The following HEATR4 variants were observed in gnomAD, a reference collection of about 807,000 sequenced individuals.
The protein encoded by HEATR4 is HEAT repeat containing 4.
In HEATR4, 95 loss-of-function variants were observed where a neutral mutation model predicts 108.8. That is an observed-to-expected ratio of 0.87 (90% CI 0.74 to 1.04). HEATR4 has a LOEUF of 1.04. Among genes scored for constraint, HEATR4 ranks in the 50% least tolerant of loss-of-function variants. The probability of loss-of-function intolerance (pLI) is 0.00; values close to 1 mark genes in which losing one functional copy is unlikely to be tolerated. For missense variants in HEATR4, 1,152 were observed against 1,253.8 expected, an observed-to-expected ratio of 0.92 and a Z score of 1.23; for synonymous variants, 443 against 459.4, an observed-to-expected ratio of 0.96 and a Z score of 0.46.
chr14:73,570,674 G>A, the HEATR4 span, among the ~76,000 whole-genome samples: 1 of 152,028 alleles, frequency 6.6e-6, no homozygotes, highest in Admixed American at 6.6e-5. Flanking sequence ...GGAGGCCGAG[G>A]CCGGCGGATC....
intron 12 of HEATR4, among the ~76,000 whole-genome samples, chr14:73,500,176 G>A (rs1886354234): frequency 6.6e-6 from 1 of 152,174 alleles, no homozygotes; most frequent in South Asian, 2.1e-4. Flanking sequence ...CTTGCAGTGA[G>A]CCGAGATGGC....
the HEATR4 span, chr14:73,616,881 G>T: frequency 7.3e-5 from 42 of 574,290 alleles, no homozygotes; most frequent in Non-Finnish European, 1.1e-4. Context: ...AAGACATTTT[G>T]TTCTTTCTCT....
chr14:73,522,907 G>A lies in HEATR4; in HGVS notation c.246C>T (p.Gly82=). 8 of 1,614,180 alleles carry A rather than the reference G, an allele frequency of 5.0e-6. No homozygotes were observed. The highest frequency in any genetic ancestry group is 6.8e-6 in the Non-Finnish European group (8 of 1,180,030). Residue 82 remains glycine (G), a synonymous_variant, in exon 3 of 18, where the codon GGC becomes GGT. Coordinates refer to ENST00000553558, the MANE Select transcript of HEATR4 (RefSeq NM_001220484.1). ...TFSQEVVWQR[G]LPSIPYSQYS... The stretch of plus-strand genomic sequence containing the variant: ...ACTGGCTATAAGGAATGCTGGGCAG[G>A]CCTCGCTGCCACACCACCTCCTGAG...
chr14:73,479,109 TTTTG>T (rs1313377482), intron 17 of HEATR4, among the ~76,000 whole-genome samples: 10 of 148,274 alleles, frequency 6.7e-5, no homozygotes, highest in South Asian at 4.2e-4. Flanking sequence ...CAGCTAATTT[TTTTG>T]TTTGTTTGTT....
the HEATR4 span, among the ~76,000 whole-genome samples, chr14:73,588,023 C>T: frequency 1.3e-4 from 19 of 148,258 alleles, no homozygotes; most frequent in African/African-American, 4.8e-4. Context: ...TTTTTTTAGA[C>T]GGAGTTTCGT....
At chr14:73,495,061 C>A (rs1016516805) in intron 16 of HEATR4, among the ~76,000 whole-genome samples, 167 bp downstream of exon 16, 1 of 149,402 alleles carries the variant, frequency 6.7e-6, no homozygotes. Context: ...AACAAACAAA[C>A]AAAAAAAAAA....
the HEATR4 span, chr14:73,569,138 T>C: frequency 6.7e-6 from 9 of 1,345,386 alleles, no homozygotes; most frequent in East Asian, 1.8e-4. Context: ...CCAGTGTGTC[T>C]ATATTTGGTC....
the HEATR4 span, among the ~76,000 whole-genome samples, chr14:73,565,525 C>T: frequency 6.6e-6 from 1 of 151,826 alleles, no homozygotes; most frequent in African/African-American, 2.4e-5. Flanking sequence ...AGCCGTGGAC[C>T]CTCACGGGAG....
intron 6 of HEATR4, among the ~76,000 whole-genome samples, chr14:73,513,008 G>C (rs941870945): frequency 2.6e-5 from 4 of 152,168 alleles, no homozygotes; most frequent in South Asian, 4.1e-4. Flanking sequence ...TCCTATCTTT[G>C]AAGGCAAAGT....
intron 1 of HEATR4, chr14:73,539,895 G>A (rs373189524): frequency 5.2e-5 from 6 of 114,724 alleles, no homozygotes; most frequent in Non-Finnish European, 5.7e-5. Flanking sequence ...GTATGTTAAG[G>A]TTTATGTAAA....
intron 1 of HEATR4, chr14:73,539,785 C>T (rs1889015913): frequency 8.5e-6 from 1 of 117,054 alleles, no homozygotes; most frequent in Non-Finnish European, 1.9e-5. Flanking sequence ...GTGCTCATCG[C>T]TGCCGGGGCA....
chr14:73,539,664 G>C (rs1889007150), intron 1 of HEATR4: 1 of 117,246 alleles, frequency 8.5e-6, no homozygotes, highest in South Asian at 2.7e-4. Context: ...AAGCTGCGGT[G>C]CTGCTGCAGT....
chr14:73,509,852 ATATATATATATATATATT>A (rs1566832270), intron 7 of HEATR4, among the ~76,000 whole-genome samples: 40 of 60,044 alleles, frequency 6.7e-4, no homozygotes, highest in African/African-American at 2.3e-3. Flanking sequence ...ATATATATAT[ATATATATATATATATATT>A]TATTTATTTT....
the HEATR4 span, chr14:73,595,609 C>A: frequency 3.2e-6 from 5 of 1,558,992 alleles, no homozygotes; most frequent in Non-Finnish European, 4.3e-6. Context: ...CCTTCTTCTG[C>A]AAACACCTGG....
Position 73,495,350 on chromosome 14 carries a change from TTG to T in HEATR4, c.2661_2662del (p.His887GlnfsTer43). On this transcript the variant is annotated frameshift_variant, in exon 16 of 18. Transcript: ENST00000553558. LOFTEE classifies it high-confidence loss of function. ...CATGACCATCTCCAGCTTGAGTATT[TTG>T]TGTGTCAGCAAGTCCTTTTGGCTTA... The T allele has an allele frequency of 1.2e-6, 2 of 1,614,056 alleles. No individual in the cohort carries two copies. The highest frequency in any genetic ancestry group is 1.7e-6 in the Non-Finnish European group (2 of 1,179,948).
intron 1 of HEATR4, among the ~76,000 whole-genome samples, chr14:73,542,212 G>A (rs1218726656): frequency 2.8e-5 from 3 of 107,468 alleles, no homozygotes; most frequent in African/African-American, 9.4e-5. Context: ...TGGCCAGGCT[G>A]GTCTCAAACT....
chr14:73,585,968 A>G, the HEATR4 span, among the ~76,000 whole-genome samples: 1 of 146,938 alleles, frequency 6.8e-6, no homozygotes, highest in African/African-American at 2.5e-5. Flanking sequence ...AAGGTGGCAC[A>G]ACTGCACTCC....
At chr14:73,613,031 G>A in the HEATR4 span, 1 of 811,468 alleles carries the variant, frequency 1.2e-6, no homozygotes. Flanking sequence ...GCCGCCGGAT[G>A]AGTAGTCTGC....
the HEATR4 span, chr14:73,631,617 G>T: frequency 6.1e-6 from 1 of 163,710 alleles, no homozygotes; most frequent in East Asian, 1.7e-4. Flanking sequence ...CCAGAAGAAC[G>T]GGTCGCTGCC....
Sources: allele counts gnomAD v4.1 joint callset (sites outside exome capture counted in the v4.1 genomes callset), GRCh38; gene constraint gnomAD v4.1.1; transcripts MANE v1.5; gene names NCBI Gene and HGNC (gene_info 2026-07-23, HGNC 2026-07-21).